Variants in AGK observed in about 807,000 individuals in gnomAD.
AGK encodes the protein acylglycerol kinase, also known as acylglycerol kinase, mitochondrial.
Under a neutral mutation model 66.4 loss-of-function variants are expected in AGK, and 52 were observed. The ratio of observed to expected loss-of-function variants is 0.78; its 90% CI spans 0.63 to 0.99. The LOEUF is 0.99. Among genes scored for constraint, AGK ranks in the 50% least tolerant of loss-of-function variants. The pLI, the probability that AGK is intolerant of heterozygous loss-of-function variation, is 0.00. For synonymous variants in AGK, 182 were observed against 181.1 expected, an observed-to-expected ratio of 1.00 and a Z score of -0.04; for missense variants, 451 against 506.6, an observed-to-expected ratio of 0.89 and a Z score of 1.05.
At chr7:141,647,639 G>A (rs1183011411) in intron 13 of AGK, among the ~76,000 whole-genome samples, 1 of 152,162 alleles carries the variant, frequency 6.6e-6, no homozygotes, top group African/African-American at 2.4e-5. Context: ...ACTTGGGATG[G>A]GGCCAGAGTC....
At chr7:141,621,598 GA>G in intron 8 of AGK, 133 bp from the exon 9 acceptor site, 1 of 653,936 alleles carries the variant, frequency 1.5e-6, no homozygotes. Context: ...AGGAGGGGGA[GA>G]GAGAGAGAGG....
chr7:141,562,031 G>T, intron 2 of AGK: 1 of 456,282 alleles, frequency 2.2e-6, no homozygotes, highest in Non-Finnish European at 4.4e-6. Context: ...AGGTCTCTCA[G>T]CCATGGGTAC....
At chr7:141,627,284 T>C (rs930853646) in intron 9 of AGK, among the ~76,000 whole-genome samples, 1 of 151,814 alleles carries the variant, frequency 6.6e-6, no homozygotes, top group African/African-American at 2.4e-5. Flanking sequence ...ATCTAAACTC[T>C]TATTTTTTTT....
chr7:141,605,348 TC>T (rs1796435757), intron 5 of AGK, among the ~76,000 whole-genome samples: 1 of 152,164 alleles, frequency 6.6e-6, no homozygotes, highest in Non-Finnish European at 1.5e-5. Flanking sequence ...GTCTTTTGGG[TC>T]CTGGTTTATA....
At chr7:141,650,817 C>A (rs1357533990) in intron 14 of AGK, 1 of 309,306 alleles carries the variant, frequency 3.2e-6, no homozygotes, top group Non-Finnish European at 4.7e-6. Context: ...CACAGGTTGT[C>A]AAGCCCCTTC....
chr7:141,592,999 C>T (rs1049288396), intron 2 of AGK, 147 bp from the exon 3 acceptor site: 30 of 666,394 alleles, frequency 4.5e-5, no homozygotes, highest in African/African-American at 9.1e-5. Context: ...CCACCATGCC[C>T]GGCCTGTTAT....
chr7:141,569,332 A>G (rs1795544651), intron 2 of AGK, among the ~76,000 whole-genome samples: 1 of 152,032 alleles, frequency 6.6e-6, no homozygotes, highest in Admixed American at 6.5e-5. Flanking sequence ...TCAGGAGATC[A>G]AGACCATCCT....
chr7:141,587,480 G>A (rs1169675774), intron 2 of AGK, among the ~76,000 whole-genome samples: 1 of 152,150 alleles, frequency 6.6e-6, no homozygotes, highest in African/African-American at 2.4e-5. Context: ...AGCTGAAAAT[G>A]TCCTTGGTGA....
chr7:141,628,846 G>GT (rs1796996902), intron 9 of AGK, among the ~76,000 whole-genome samples: 1 of 152,190 alleles, frequency 6.6e-6, no homozygotes, highest in African/African-American at 2.4e-5. Flanking sequence ...TTGAAGGGCA[G>GT]TTTTTCCCAT....
At chr7:141,639,108 GAGTTTCGAGA>G (rs1267701187) in intron 11 of AGK, among the ~76,000 whole-genome samples, 2 of 152,192 alleles carry the variant, frequency 1.3e-5, no homozygotes, top group East Asian at 1.9e-4. Flanking sequence ...AAAAAAGTAA[GAGTTTCGAGA>G]AGCAAAAGCA....
intron 2 of AGK, among the ~76,000 whole-genome samples, chr7:141,559,112 T>C (rs758946760): frequency 2.6e-5 from 4 of 152,170 alleles, no homozygotes; most frequent in Non-Finnish European, 5.9e-5. Context: ...TATATTGTTT[T>C]TAGTTTCGTT....
intron 2 of AGK, among the ~76,000 whole-genome samples, chr7:141,583,598 T>C (rs1795931379): frequency 6.6e-6 from 1 of 151,328 alleles, no homozygotes; most frequent in South Asian, 2.1e-4. Context: ...CCACTAAGGG[T>C]GAAGGATCTA....
rs371220594 is a variant in AGK, at chr7:141,651,628, G to A, written c.1131+19G>A. 7.0e-5 allele frequency: 113 copies of A among 1,609,660 alleles called. No individual in the cohort carries two copies. The highest frequency in any genetic ancestry group is 2.8e-4 in the Admixed American group (17 of 60,028). ...CCCGGAGGTGAGTGGGGAAGGGGTCGGTAGTCACAGCATTTGATTCGTTCG... is the reference window on the plus strand; with the variant it reads ...CCCGGAGGTGAGTGGGGAAGGGGTCAGTAGTCACAGCATTTGATTCGTTCG... On this transcript the variant is annotated intron_variant, in intron 15 of 15. Coordinates refer to ENST00000649286, the MANE Select transcript of AGK (RefSeq NM_018238.4).
At chr7:141,643,152 T>C (rs767430092) in intron 13 of AGK, among the ~76,000 whole-genome samples, 5 of 152,196 alleles carry the variant, frequency 3.3e-5, no homozygotes, top group African/African-American at 1.2e-4. Context: ...GTTTTCTAAC[T>C]ATGAAAATAA....
chr7:141,568,574 C>CT (rs762829164), intron 2 of AGK, among the ~76,000 whole-genome samples: 6,049 of 141,712 alleles, frequency 0.043, 367 homozygotes, highest in African/African-American at 0.14. Flanking sequence ...TTCTTTCTTT[C>CT]TTTTTTTTTT....
chr7:141,637,957 C>T (rs1210489457), intron 11 of AGK, among the ~76,000 whole-genome samples: 1 of 152,040 alleles, frequency 6.6e-6, no homozygotes, highest in Non-Finnish European at 1.5e-5. Flanking sequence ...CAAGGGCAAA[C>T]TGGATTAGTA....
intron 2 of AGK, among the ~76,000 whole-genome samples, chr7:141,556,038 C>G (rs1795204244): frequency 6.6e-6 from 1 of 152,110 alleles, no homozygotes; most frequent in African/African-American, 2.4e-5. Flanking sequence ...AGATATGACA[C>G]ATCAATCAAT....
intron 8 of AGK, among the ~76,000 whole-genome samples, chr7:141,621,316 T>C (rs1361559369): frequency 1.3e-5 from 2 of 152,244 alleles, no homozygotes; most frequent in African/African-American, 4.8e-5. Flanking sequence ...CTAAGATAAC[T>C]ATAACAAATT....
At chr7:141,649,393 A>G in intron 14 of AGK, 60 bp downstream of exon 14, 3 of 1,251,762 alleles carry the variant, frequency 2.4e-6, no homozygotes, top group Middle Eastern at 1.9e-4. Flanking sequence ...TTTACTATTC[A>G]GAGTGCCCCA....
Sources: allele counts gnomAD v4.1 joint callset (sites outside exome capture counted in the v4.1 genomes callset), GRCh38; gene constraint gnomAD v4.1.1; transcripts MANE v1.5; gene names NCBI Gene and HGNC (gene_info 2026-07-23, HGNC 2026-07-21).